Variants in PDE4D observed in about 807,000 individuals in gnomAD.
The protein encoded by PDE4D is 3',5'-cyclic-AMP phosphodiesterase 4D.
PDE4D carries 24 observed loss-of-function variants against 87.4 expected under a neutral mutation model. The ratio of observed to expected loss-of-function variants is 0.27; its 90% confidence interval spans 0.20 to 0.39. The LOEUF (loss-of-function observed/expected upper bound fraction) is 0.39. PDE4D is among the 10% of genes least tolerant of loss of function. The pLI, the probability that PDE4D is intolerant of heterozygous loss-of-function variation, is 1.00. For synonymous variants in PDE4D, 384 were observed against 383.2 expected (o/e 1.00, Z -0.02); for missense variants, 714 against 1,041.0 (o/e 0.69, Z 4.32).
At chr5:58,985,525 A>C (rs1348673628) in intron 11 of PDE4D, among the ~76,000 whole-genome samples, 1 of 152,250 alleles carries the variant, frequency 6.6e-6, no homozygotes, top group East Asian at 1.9e-4. Context: ...GGGAATCCCC[A>C]GCGCCCCCCA....
At chr5:60,052,229 C>T (rs1343703375) in intron 2 of PDE4D, among the ~76,000 whole-genome samples, 3 of 151,854 alleles carry the variant, frequency 2.0e-5, no homozygotes, top group Non-Finnish European at 4.4e-5. Context: ...CTGGCAGAGA[C>T]ACAACAACGA....
intron 1 of PDE4D, among the ~76,000 whole-genome samples, chr5:60,282,715 T>C (rs1752059208): frequency 6.6e-6 from 1 of 152,128 alleles, no homozygotes; most frequent in South Asian, 2.1e-4. Flanking sequence ...TAAGTTCATA[T>C]TGACAGGTTC....
intron 1 of PDE4D, among the ~76,000 whole-genome samples, chr5:59,444,471 A>G (rs1157480103): frequency 1.3e-5 from 2 of 152,158 alleles, no homozygotes; most frequent in African/African-American, 4.8e-5. Flanking sequence ...AAAATGTCAC[A>G]TTAAAGTTGA....
intron 1 of PDE4D, among the ~76,000 whole-genome samples, chr5:59,601,179 A>G (rs747238712): frequency 6.6e-6 from 1 of 152,322 alleles, no homozygotes; most frequent in East Asian, 1.9e-4. Flanking sequence ...TCGTAAGAAC[A>G]GCAGAATAAT....
chr5:60,048,814 C>G (rs1432702709), intron 2 of PDE4D, among the ~76,000 whole-genome samples: 2 of 152,054 alleles, frequency 1.3e-5, no homozygotes, highest in Non-Finnish European at 2.9e-5. Context: ...TCCTTCATTT[C>G]AACTTTGGTG....
intron 1 of PDE4D, among the ~76,000 whole-genome samples, chr5:59,879,190 G>A (rs1749079607): frequency 6.6e-6 from 1 of 151,946 alleles, no homozygotes; most frequent in East Asian, 1.9e-4. Flanking sequence ...GTGAGCCACC[G>A]CGCCCGGCCC....
intron 1 of PDE4D, among the ~76,000 whole-genome samples, chr5:60,264,605 G>T (rs889177365): frequency 1.3e-5 from 2 of 152,212 alleles, no homozygotes; most frequent in African/African-American, 4.8e-5. Flanking sequence ...AGTACAGTTG[G>T]TTGCCAAATT....
At chr5:59,416,260 A>T (rs925599095) in intron 1 of PDE4D, among the ~76,000 whole-genome samples, 1 of 152,200 alleles carries the variant, frequency 6.6e-6, no homozygotes, top group Non-Finnish European at 1.5e-5. Context: ...TCTTCACGTC[A>T]GTCTCAATCT....
intron 1 of PDE4D, among the ~76,000 whole-genome samples, chr5:59,367,922 C>A (rs1448524891): frequency 6.6e-6 from 1 of 152,244 alleles, no homozygotes; most frequent in African/African-American, 2.4e-5. Flanking sequence ...AAATCCACTT[C>A]GTGCCAGTCT....
intron 1 of PDE4D, among the ~76,000 whole-genome samples, chr5:59,220,454 A>T (rs1329385643): frequency 6.6e-6 from 1 of 151,692 alleles, no homozygotes; most frequent in Non-Finnish European, 1.5e-5. Context: ...AAATGTTTTA[A>T]CTACAAGAGG....
In PDE4D at chr5:59,827,941, T is replaced by A. The variant is rs532689619; in HGVS notation, c.455+65227A>T. Reference sequence around the variant, plus strand: ...CTTGTATTAAGACAGTTAATTGAGGTCATATTGTATTTGTTAACTTATTAT... The same window carrying A: ...CTTGTATTAAGACAGTTAATTGAGGACATATTGTATTTGTTAACTTATTAT... On this transcript the variant is annotated intron_variant, in intron 1 of 14. Coordinates refer to ENST00000340635, the MANE Select transcript of PDE4D (RefSeq NM_001104631.2). Among the ~76,000 whole-genome samples the A allele has an allele frequency of 1.2e-4, 19 of 152,288 alleles. No homozygotes were observed. In the South Asian group the frequency reaches 3.9e-3, roughly 32 times the overall value.
intron 2 of PDE4D, among the ~76,000 whole-genome samples, chr5:60,011,189 C>G (rs760279219): frequency 1.3e-5 from 2 of 152,100 alleles, no homozygotes; most frequent in African/African-American, 2.4e-5. Context: ...GAATTTCAAA[C>G]AAAAGAACAT....
At chr5:60,340,122 C>T (rs1004175105) in intron 1 of PDE4D, among the ~76,000 whole-genome samples, 1 of 152,222 alleles carries the variant, frequency 6.6e-6, no homozygotes. Flanking sequence ...TGCCAGTGAG[C>T]TCTCTGAAGA....
rs769985363 is a variant in PDE4D at position 59,038,849 on chromosome 5, C to A, written c.921+10G>T. 2.6e-6 allele frequency: 4 copies of A among 1,519,362 alleles called. No homozygotes were observed. In the East Asian group the frequency reaches 7.5e-5, roughly 29 times the overall value. The allele number at this position is 1,519,362 out of a possible 1,614,324, so 94.1% of individuals were successfully genotyped here. Reference sequence around the variant, plus strand: ...CTGGGGGCACCAGTGACAGCAGAACCGGGGCTTACCTTGTTGGAGGCCATC... The same window carrying A: ...CTGGGGGCACCAGTGACAGCAGAACAGGGGCTTACCTTGTTGGAGGCCATC... On this transcript the variant is annotated intron_variant, in intron 6 of 14. Coordinates refer to ENST00000340635, the MANE Select transcript of PDE4D (RefSeq NM_001104631.2).
At chr5:60,065,886 T>C (rs950445825) in intron 2 of PDE4D, among the ~76,000 whole-genome samples, 3 of 152,138 alleles carry the variant, frequency 2.0e-5, no homozygotes, top group African/African-American at 4.8e-5. Flanking sequence ...ATAGTGCAGC[T>C]ATAAACATAC....
intron 1 of PDE4D, among the ~76,000 whole-genome samples, chr5:59,554,212 CT>C (rs1303379758): frequency 6.6e-6 from 1 of 152,122 alleles, no homozygotes; most frequent in Non-Finnish European, 1.5e-5. Context: ...TTTGACTCAA[CT>C]TTTTTTCTGA....
intron 1 of PDE4D, among the ~76,000 whole-genome samples, chr5:60,466,780 C>T (rs1270945539): frequency 1.3e-5 from 2 of 152,068 alleles, no homozygotes; most frequent in Non-Finnish European, 2.9e-5. Context: ...CTACTCTTTC[C>T]CTCCTGTTGA....
intron 1 of PDE4D, among the ~76,000 whole-genome samples, chr5:59,249,906 G>A (rs6888028): frequency 0.32 from 47,985 of 151,818 alleles, 8,059 homozygotes; most frequent in Admixed American, 0.41. Context: ...ACCCAGGGTG[G>A]AGTGCAGTGG....
intron 1 of PDE4D, among the ~76,000 whole-genome samples, chr5:59,329,231 G>A (rs1002013441): frequency 1.3e-5 from 2 of 151,814 alleles, no homozygotes; most frequent in Non-Finnish European, 2.9e-5. Flanking sequence ...AGGAAGTCTC[G>A]GGCTGTTCTT....
Sources: allele counts gnomAD v4.1 joint callset (sites outside exome capture counted in the v4.1 genomes callset), GRCh38; gene constraint gnomAD v4.1.1; transcripts MANE v1.5; gene names NCBI Gene and HGNC (gene_info 2026-07-23, HGNC 2026-07-21).